Variants in DOCK7 observed in about 807,000 individuals in gnomAD.
DOCK7 encodes dedicator of cytokinesis protein 7.
DOCK7 carries 138 observed loss-of-function variants against 271.0 expected under a neutral mutation model. That is an observed-to-expected ratio of 0.51 (90% CI 0.44 to 0.59). The LOEUF is 0.59. Among genes scored for constraint, DOCK7 ranks in the 20% least tolerant of loss-of-function variants. The pLI is 0.00. For missense variants in DOCK7, 2,066 were observed against 2,592.4 expected, an observed-to-expected ratio of 0.80 and a Z score of 4.41; for synonymous variants, 823 against 876.1, an observed-to-expected ratio of 0.94 and a Z score of 1.07.
chr1:62,631,154 C>T (rs540193466), intron 11 of DOCK7, 86 bp downstream of exon 11: 9 of 1,262,300 alleles, frequency 7.1e-6, no homozygotes, highest in Non-Finnish European at 9.7e-6. Flanking sequence ...CACTGCCCTC[C>T]AGCCTAGGCC....
At chr1:62,552,242 C>T (rs1645931616) in intron 22 of DOCK7, among the ~76,000 whole-genome samples, 1 of 151,978 alleles carries the variant, frequency 6.6e-6, no homozygotes. Context: ...GTTCTCTTTT[C>T]GCAGCTGCCA....
At chr1:62,571,716 G>A (rs1386123440) in intron 18 of DOCK7, among the ~76,000 whole-genome samples, 3 of 152,102 alleles carry the variant, frequency 2.0e-5, no homozygotes, top group African/African-American at 4.8e-5. Context: ...GGAATACTAC[G>A]CAGCAATAAA....
intron 14 of DOCK7, chr1:62,597,999 C>G (rs747595139): frequency 6.4e-7 from 1 of 1,568,284 alleles, no homozygotes; most frequent in South Asian, 1.2e-5. Flanking sequence ...AGAAGAGCAA[C>G]TAACTAACTT....
intron 14 of DOCK7, among the ~76,000 whole-genome samples, chr1:62,589,168 C>A (rs1041124974): frequency 6.6e-6 from 1 of 152,142 alleles, no homozygotes; most frequent in African/African-American, 2.4e-5. Context: ...TGCCAGTGAA[C>A]CATCATATGA....
chr1:62,542,103 C>G (rs1645554552), intron 25 of DOCK7, among the ~76,000 whole-genome samples: 2 of 152,016 alleles, frequency 1.3e-5, no homozygotes, highest in African/African-American at 2.4e-5. Flanking sequence ...GTCTCAAACT[C>G]CTGATCTCAA....
intron 1 of DOCK7, among the ~76,000 whole-genome samples, chr1:62,669,917 T>C (rs1160286336): frequency 6.6e-6 from 1 of 152,214 alleles, no homozygotes; most frequent in Non-Finnish European, 1.5e-5. Flanking sequence ...ACCGGGGCTG[T>C]GTGCGGCACT....
At chr1:62,671,749 AACT>A (rs1660030537) in intron 1 of DOCK7, among the ~76,000 whole-genome samples, 1 of 152,170 alleles carries the variant, frequency 6.6e-6, no homozygotes, top group Admixed American at 6.5e-5. Flanking sequence ...AAAGTAAAAA[AACT>A]ACTACCAAAA....
intron 18 of DOCK7, among the ~76,000 whole-genome samples, chr1:62,565,821 C>CA (rs1410412263): frequency 6.6e-6 from 1 of 151,920 alleles, no homozygotes; most frequent in African/African-American, 2.4e-5. Context: ...TGTCTCAGCC[C>CA]AAAATCTCCT....
chr1:62,638,188 G>A (rs1352660065), intron 7 of DOCK7: 1 of 151,984 alleles, frequency 6.6e-6, no homozygotes, highest in Non-Finnish European at 1.5e-5. Context: ...TGAATTTGTT[G>A]TTCTTTATGC....
chr1:62,594,749 G>A (rs1648974756), intron 14 of DOCK7, among the ~76,000 whole-genome samples: 1 of 152,084 alleles, frequency 6.6e-6, no homozygotes, highest in Non-Finnish European at 1.5e-5. Flanking sequence ...CTGTACTAAA[G>A]CATTATAAGG....
chr1:62,542,743 T>C (rs1388726726), intron 24 of DOCK7, 40 bp from the exon 25 acceptor site: 2 of 1,572,150 alleles, frequency 1.3e-6, no homozygotes, highest in South Asian at 2.3e-5. Flanking sequence ...CAAAGTCAAA[T>C]CTGCTGATAA....
At chr1:62,469,432 G>A (rs951463640) in intron 48 of DOCK7, among the ~76,000 whole-genome samples, 2 of 152,146 alleles carry the variant, frequency 1.3e-5, no homozygotes, top group Non-Finnish European at 2.9e-5. Context: ...GATGGATCAA[G>A]GACTTACATC....
intron 33 of DOCK7, 196 bp from the exon 34 acceptor site, chr1:62,510,869 A>G (rs1369847358): frequency 4.4e-6 from 2 of 456,666 alleles, no homozygotes; most frequent in Non-Finnish European, 7.7e-6. Context: ...TGTACTTGCT[A>G]TATGCAGTAT....
chr1:62,592,730 T>C (rs928011799), intron 14 of DOCK7, among the ~76,000 whole-genome samples: 1 of 152,086 alleles, frequency 6.6e-6, no homozygotes, highest in African/African-American at 2.4e-5. Context: ...GTCTATTAGA[T>C]TTATCAACAT....
At chr1:62,594,680 T>C (rs1443785122) in intron 14 of DOCK7, among the ~76,000 whole-genome samples, 3 of 152,142 alleles carry the variant, frequency 2.0e-5, no homozygotes, top group South Asian at 2.1e-4. Flanking sequence ...AATCCCTATA[T>C]GTTGATTTTA....
At chr1:62,487,859 A>T (rs1352151547) in intron 42 of DOCK7, 1 of 159,522 alleles carries the variant, frequency 6.3e-6, no homozygotes, top group Admixed American at 6.1e-5. Flanking sequence ...CAGCTCTAGA[A>T]ACTGGCTTGA....
intron 31 of DOCK7, among the ~76,000 whole-genome samples, chr1:62,514,942 G>A (rs1644615138): frequency 6.6e-6 from 1 of 152,084 alleles, no homozygotes; most frequent in Admixed American, 6.6e-5. Flanking sequence ...TGAGGAAGAA[G>A]TAGAGGGGAT....
chr1:62,517,297 C>G (rs1205559606), intron 31 of DOCK7, among the ~76,000 whole-genome samples: 2 of 151,990 alleles, frequency 1.3e-5, no homozygotes, highest in Non-Finnish European at 2.9e-5. Flanking sequence ...ACAAAACAAA[C>G]AAACAAAAAA....
chr1:62,678,109 C>A (rs186659241), intron 1 of DOCK7, among the ~76,000 whole-genome samples: 6 of 152,196 alleles, frequency 3.9e-5, no homozygotes, highest in Admixed American at 1.3e-4. Context: ...TCCTGGACAA[C>A]AGAGCAAGAG....
Sources: gnomAD v4.1 joint callset for allele counts (sites outside exome capture counted in the v4.1 genomes callset) on GRCh38, gnomAD v4.1.1 for gene constraint, MANE v1.5 for transcripts, NCBI Gene and HGNC (gene_info 2026-07-23, HGNC 2026-07-21) for gene names.